EYS: variants seen among roughly 807,000 people sequenced by gnomAD.
The protein encoded by EYS is protein eyes shut homolog.
Under a neutral mutation model 282.1 loss-of-function variants are expected in EYS, and 250 were observed. The ratio of observed to expected loss-of-function variants is 0.89; its 90% confidence interval spans 0.80 to 0.98. The LOEUF (loss-of-function observed/expected upper bound fraction) is 0.98. Ranked by LOEUF, EYS falls within the 50% of genes least tolerant of loss-of-function variation. The probability of loss-of-function intolerance (pLI) is 0.00; values close to 1 mark genes in which losing one functional copy is unlikely to be tolerated. For missense variants in EYS, 4,016 were observed against 3,709.0 expected, an observed-to-expected ratio of 1.08 and a Z score of -2.15; for synonymous variants, 1,355 against 1,282.9, an observed-to-expected ratio of 1.06 and a Z score of -1.20.
At chr6:64,324,810 A>G (rs970020777) in intron 29 of EYS, among the ~76,000 whole-genome samples, 1 of 152,208 alleles carries the variant, frequency 6.6e-6, no homozygotes. Context: ...GTATATTTCT[A>G]TGTATCAATA....
At chr6:64,605,472 C>T (rs1044451334) in intron 24 of EYS, among the ~76,000 whole-genome samples, 6 of 151,914 alleles carry the variant, frequency 3.9e-5, no homozygotes, top group South Asian at 2.1e-4. Flanking sequence ...AATTTAATAA[C>T]GCATAATTAC....
intron 12 of EYS, among the ~76,000 whole-genome samples, chr6:65,080,726 A>C (rs966109029): frequency 1.1e-4 from 16 of 152,164 alleles, no homozygotes; most frequent in Non-Finnish European, 1.9e-4. Flanking sequence ...AATTTAAAAA[A>C]AAAGAAATGA....
At chr6:65,493,707 C>T (rs59117992) in intron 4 of EYS, among the ~76,000 whole-genome samples, 3,741 of 152,192 alleles carry the variant, frequency 0.025, 165 homozygotes, top group African/African-American at 0.083. Context: ...TTTCCTCTGG[C>T]TTAATTACTC....
intron 19 of EYS, among the ~76,000 whole-genome samples, chr6:64,825,181 ATCT>A (rs975244264): frequency 8.6e-5 from 13 of 151,836 alleles, no homozygotes; most frequent in African/African-American, 3.1e-4. Context: ...CACAGTTTAC[ATCT>A]TCTTCAGGTT....
intron 7 of EYS, among the ~76,000 whole-genome samples, chr6:65,388,609 C>T (rs546754710): frequency 5.4e-4 from 82 of 152,014 alleles, no homozygotes; most frequent in Non-Finnish European, 1.1e-3. Flanking sequence ...ATTCAGGAAA[C>T]ATCTCAAAGA....
chr6:65,540,847 C>T (rs1005514735), intron 2 of EYS, among the ~76,000 whole-genome samples: 17 of 151,960 alleles, frequency 1.1e-4, no homozygotes, highest in East Asian at 3.9e-4. Flanking sequence ...CGCTTGAATC[C>T]GGGAAGCGGA....
At chr6:65,472,837 A>C (rs1765264087) in intron 5 of EYS, among the ~76,000 whole-genome samples, 1 of 151,906 alleles carries the variant, frequency 6.6e-6, no homozygotes, top group Non-Finnish European at 1.5e-5. Context: ...TGTCTTTATA[A>C]AATTGTTTCT....
At chr6:64,307,913 A>C (rs886910320) in intron 29 of EYS, among the ~76,000 whole-genome samples, 2 of 152,068 alleles carry the variant, frequency 1.3e-5, no homozygotes, top group African/African-American at 4.8e-5. Flanking sequence ...TATTCATCAA[A>C]AGTTACTCAT....
chr6:65,667,043 G>C (rs1768225918), intron 1 of EYS, among the ~76,000 whole-genome samples: 1 of 151,154 alleles, frequency 6.6e-6, no homozygotes, highest in Admixed American at 6.6e-5. Context: ...TAACAAATCA[G>C]AACTTCCTTT....
intron 15 of EYS, among the ~76,000 whole-genome samples, chr6:64,931,654 T>G (rs1043463811): frequency 1.3e-5 from 2 of 152,044 alleles, no homozygotes; most frequent in Non-Finnish European, 2.9e-5. Flanking sequence ...TTTTAAATAA[T>G]AAAAACTAAT....
At chr6:64,734,610 G>A (rs1458074133) in intron 22 of EYS, among the ~76,000 whole-genome samples, 2 of 152,058 alleles carry the variant, frequency 1.3e-5, no homozygotes, top group Non-Finnish European at 2.9e-5. Context: ...ACAATTTTTT[G>A]TAAAAGTTGA....
intron 13 of EYS, among the ~76,000 whole-genome samples, chr6:65,018,930 C>CA (rs1561924177): frequency 1.3e-5 from 2 of 151,696 alleles, no homozygotes; most frequent in East Asian, 1.9e-4. Flanking sequence ...ATCATAGGTA[C>CA]AAAAAAATTG....
chr6:64,532,890 C>T (rs1764396180), intron 26 of EYS, among the ~76,000 whole-genome samples: 1 of 152,034 alleles, frequency 6.6e-6, no homozygotes, highest in South Asian at 2.1e-4. Context: ...GAGCAACCCC[C>T]TATTTTGGAT....
At chr6:63,772,650 A>G (rs551587159) in intron 40 of EYS, among the ~76,000 whole-genome samples, 1 of 152,204 alleles carries the variant, frequency 6.6e-6, no homozygotes, top group East Asian at 1.9e-4. Flanking sequence ...CTGCTTGGTT[A>G]TGCTACCAAC....
At chr6:64,412,880 A>G (rs1773946702) in intron 28 of EYS, 1 of 152,070 alleles carries the variant, frequency 6.6e-6, no homozygotes, top group East Asian at 1.9e-4. Flanking sequence ...ATGCACGTGT[A>G]TATAAGTGGA....
In EYS at chr6:64,035,870, C is replaced by T. The variant is rs1191411377; in HGVS notation, c.6725+30468G>A. The stretch of plus-strand genomic sequence containing the variant: ...TTATTAGAAAATCTGATTATAAGTT[C>T]TCAGAGATTCACTCTAGCATATCTT... On this transcript the variant is annotated intron_variant, in intron 33 of 42. Transcript: ENST00000503581. Among the ~76,000 whole-genome samples, 5 of 152,188 alleles carry T rather than the reference C, an allele frequency of 3.3e-5. No individual in the cohort carries two copies. The South Asian group carries it at 8.3e-4, about 25-fold the overall frequency.
intron 16 of EYS, among the ~76,000 whole-genome samples, chr6:64,903,682 G>A (rs1767735602): frequency 6.6e-6 from 1 of 152,100 alleles, no homozygotes; most frequent in Non-Finnish European, 1.5e-5. Context: ...ACTGTTCAAT[G>A]AAAAATTCCC....
intron 22 of EYS, among the ~76,000 whole-genome samples, chr6:64,758,010 C>T (rs1042026805): frequency 1.3e-5 from 2 of 151,984 alleles, no homozygotes; most frequent in African/African-American, 2.4e-5. Flanking sequence ...GCCTGACCTC[C>T]TGATCTGCCC....
At chr6:64,327,533 G>A (rs576114712) in intron 29 of EYS, among the ~76,000 whole-genome samples, 5 of 152,126 alleles carry the variant, frequency 3.3e-5, no homozygotes, top group South Asian at 4.2e-4. Flanking sequence ...CAAGTGTTCC[G>A]GGTAGTCACC....
Sources: gnomAD v4.1 joint callset for allele counts (sites outside exome capture counted in the v4.1 genomes callset) on GRCh38, gnomAD v4.1.1 for gene constraint, MANE v1.5 for transcripts, NCBI Gene and HGNC (gene_info 2026-07-23, HGNC 2026-07-21) for gene names.